DLG2: variants seen among roughly 807,000 people sequenced by gnomAD.
DLG2 encodes the protein discs large MAGUK scaffold protein 2, also known as disks large homolog 2.
DLG2 carries 45 observed loss-of-function variants against 132.5 expected under a neutral mutation model. The observed-to-expected ratio is 0.34, with a 90% CI of 0.27 to 0.44. The LOEUF is 0.44. Among genes scored for constraint, DLG2 ranks in the 20% least tolerant of loss-of-function variants. The probability of loss-of-function intolerance (pLI) is 1.00; values close to 1 mark genes in which losing one functional copy is unlikely to be tolerated. For synonymous variants in DLG2, 424 were observed against 419.6 expected (o/e 1.01, Z -0.13); for missense variants, 1,045 against 1,196.9 (o/e 0.87, Z 1.87).
intron 19 of DLG2, among the ~76,000 whole-genome samples, chr11:83,619,717 A>C (rs913828469): frequency 1.3e-5 from 2 of 152,124 alleles, no homozygotes. Context: ...AGGAACACAG[A>C]ATTTTAGGAA....
Position 83,980,178 on chromosome 11 carries a change from T to A in DLG2, c.1056+328A>T, listed in dbSNP as rs923668852. Among the ~76,000 whole-genome samples, 13 of 152,130 alleles carry A rather than the reference T, an allele frequency of 8.5e-5. No individual in the cohort carries two copies. In the East Asian group the frequency reaches 2.5e-3, roughly 29 times the overall value. On this transcript the variant is annotated intron_variant, in intron 12 of 27. Coordinates refer to ENST00000376104, the MANE Select transcript of DLG2 (RefSeq NM_001142699.3). ...AGTTAAAGATGGTGCTGTAATCCAA[T>A]AGGACTGGGCCTTGTAAGAGGTGGC... is the stretch of plus-strand genomic sequence containing the variant.
At chr11:85,265,345 C>G (rs1254845128) in intron 4 of DLG2, among the ~76,000 whole-genome samples, 1 of 152,206 alleles carries the variant, frequency 6.6e-6, no homozygotes, top group Non-Finnish European at 1.5e-5. Context: ...GTTCCATCTT[C>G]AAAACAATCA....
At chr11:84,862,817 CG>C (rs71036447) in intron 6 of DLG2, among the ~76,000 whole-genome samples, 17,489 of 46,128 alleles carry the variant, frequency 0.38, 1,777 homozygotes, top group Middle Eastern at 0.47. Context: ...CAGGTCCTGT[CG>C]GGGGGGGGGG....
rs180983333 is a variant in DLG2, at chr11:83,654,145, C to G, written c.1826-20820G>C. 3.2e-4 allele frequency among the ~76,000 whole-genome samples: 49 copies of G among 152,238 alleles called. No homozygotes were observed. In the East Asian group the frequency reaches 9.1e-3, roughly 28 times the overall value. The stretch of plus-strand genomic sequence containing the variant: ...AAGCAGTGATTGTGTTCTTTCCATG[C>G]TATTGCCACTTCTCACCCAATCTGG... On this transcript the variant is annotated intron_variant, in intron 18 of 27. Coordinates refer to ENST00000376104, the MANE Select transcript of DLG2 (RefSeq NM_001142699.3).
At chr11:84,939,663 G>T (rs931426355) in intron 6 of DLG2, among the ~76,000 whole-genome samples, 2 of 152,248 alleles carry the variant, frequency 1.3e-5, no homozygotes, top group Non-Finnish European at 2.9e-5. Context: ...AAATGAGTAA[G>T]AACATGTGAA....
At chr11:85,381,578 T>C (rs891893797) in intron 3 of DLG2, among the ~76,000 whole-genome samples, 3 of 152,088 alleles carry the variant, frequency 2.0e-5, no homozygotes, top group African/African-American at 7.2e-5. Context: ...TTACAGGTGA[T>C]ATGATCTCGT....
chr11:84,237,110 A>C (rs2097168658), intron 8 of DLG2, among the ~76,000 whole-genome samples: 1 of 151,802 alleles, frequency 6.6e-6, no homozygotes, highest in African/African-American at 2.4e-5. Flanking sequence ...TTGTATTTTT[A>C]GTAGAGACGG....
intron 7 of DLG2, among the ~76,000 whole-genome samples, chr11:84,386,402 ATC>A (rs1457970189): frequency 6.6e-6 from 1 of 151,962 alleles, no homozygotes; most frequent in Non-Finnish European, 1.5e-5. Context: ...TTTCTTAAAA[ATC>A]TCTCTCTTAT....
At chr11:83,674,298 C>T (rs1033790636) in intron 18 of DLG2, among the ~76,000 whole-genome samples, 1 of 152,180 alleles carries the variant, frequency 6.6e-6, no homozygotes, top group African/African-American at 2.4e-5. Flanking sequence ...GAAGCAGAAG[C>T]ACTGCCTGCA....
intron 3 of DLG2, among the ~76,000 whole-genome samples, chr11:85,306,593 C>T (rs1482915797): frequency 1.3e-5 from 2 of 152,136 alleles, no homozygotes; most frequent in Admixed American, 6.5e-5. Flanking sequence ...TTTTTTGAGA[C>T]GGAGTCTTGC....
chr11:84,575,584 T>C (rs1418375170), intron 6 of DLG2, among the ~76,000 whole-genome samples: 2 of 152,180 alleles, frequency 1.3e-5, no homozygotes, highest in African/African-American at 2.4e-5. Flanking sequence ...ATTTATGGGG[T>C]ACATGTGATA....
intron 6 of DLG2, among the ~76,000 whole-genome samples, chr11:84,982,921 G>T (rs1038002180): frequency 6.6e-6 from 1 of 152,086 alleles, no homozygotes; most frequent in Non-Finnish European, 1.5e-5. Context: ...GAATACAGGG[G>T]AACCTCTTCA....
intron 17 of DLG2, chr11:83,814,890 C>A (rs557343496): frequency 3.7e-4 from 84 of 229,534 alleles, no homozygotes; most frequent in Non-Finnish European, 7.2e-4. Context: ...AAAGATCCAC[C>A]CATGGCAGCT....
chr11:84,390,166 C>A (rs186231168), intron 7 of DLG2, among the ~76,000 whole-genome samples: 204 of 152,218 alleles, frequency 1.3e-3, no homozygotes, highest in African/African-American at 4.6e-3. Flanking sequence ...ACATCCAATT[C>A]TCTAATTAAT....
chr11:84,777,322 T>TAC (rs1163781572), intron 6 of DLG2, among the ~76,000 whole-genome samples: 1 of 112,226 alleles, frequency 8.9e-6, no homozygotes, highest in Non-Finnish European at 1.9e-5. Flanking sequence ...TATATATATA[T>TAC]ATACGTTTTC....
chr11:84,779,196 A>G (rs11824284), intron 6 of DLG2, among the ~76,000 whole-genome samples: 21,298 of 94,004 alleles, frequency 0.23, 1,692 homozygotes, highest in African/African-American at 0.29. Flanking sequence ...ATATGTGCGC[A>G]CACACACACA....
intron 8 of DLG2, among the ~76,000 whole-genome samples, chr11:84,207,520 G>A (rs146475952): frequency 2.2e-4 from 34 of 152,112 alleles, no homozygotes; most frequent in African/African-American, 6.7e-4. Flanking sequence ...TGACAAAGGC[G>A]CCAATGGCAT....
intron 6 of DLG2, among the ~76,000 whole-genome samples, chr11:84,975,461 GC>G (rs1041190098): frequency 7.9e-5 from 12 of 152,116 alleles, no homozygotes; most frequent in African/African-American, 2.7e-4. Flanking sequence ...GGAATGCAAT[GC>G]CCAGTACTTC....
At chr11:85,299,649 T>C (rs1024073986) in intron 3 of DLG2, among the ~76,000 whole-genome samples, 5 of 152,202 alleles carry the variant, frequency 3.3e-5, no homozygotes, top group Non-Finnish European at 7.3e-5. Context: ...TTATCTCACA[T>C]AAGCAGTGGC....
Sources: gnomAD v4.1 joint callset for allele counts (sites outside exome capture counted in the v4.1 genomes callset) on GRCh38, gnomAD v4.1.1 for gene constraint, MANE v1.5 for transcripts, NCBI Gene and HGNC (gene_info 2026-07-23, HGNC 2026-07-21) for gene names.